Variants in NRXN1 observed in about 807,000 individuals in gnomAD.
NRXN1 encodes the protein neurexin-1.
NRXN1 carries 39 observed loss-of-function variants against 150.9 expected under a neutral mutation model. The observed-to-expected ratio is 0.26, with a 90% confidence interval of 0.20 to 0.34. The LOEUF (loss-of-function observed/expected upper bound fraction) is 0.34, where lower values mean the gene tolerates loss of function less well. Ranked by LOEUF, NRXN1 falls within the 10% of genes least tolerant of loss-of-function variation. The pLI is 1.00. For missense variants in NRXN1, 1,815 were observed against 1,949.9 expected, an observed-to-expected ratio of 0.93 and a Z score of 1.30; for synonymous variants, 924 against 757.0, an observed-to-expected ratio of 1.22 and a Z score of -3.62.
intron 5 of NRXN1, chr2:50,912,816 G>C (rs1381146594): frequency 2.7e-5 from 4 of 149,730 alleles, no homozygotes; most frequent in African/African-American, 4.9e-5. Context: ...CTGGAACCTA[G>C]CCTAATAACT....
intron 2 of NRXN1, among the ~76,000 whole-genome samples, chr2:51,019,841 T>C (rs533057613): frequency 1.3e-5 from 2 of 152,144 alleles, no homozygotes; most frequent in South Asian, 4.1e-4. Context: ...CTGTATACAG[T>C]GTTTAAAACA....
intron 5 of NRXN1, among the ~76,000 whole-genome samples, chr2:50,794,019 G>C (rs1205149382): frequency 2.0e-5 from 3 of 151,978 alleles, no homozygotes; most frequent in South Asian, 2.1e-4. Flanking sequence ...ATTAAAAATA[G>C]GTAGAAGCAG....
At chr2:50,164,534 T>G (rs1282447718) in intron 18 of NRXN1, among the ~76,000 whole-genome samples, 1 of 152,202 alleles carries the variant, frequency 6.6e-6, no homozygotes, top group Non-Finnish European at 1.5e-5. Context: ...GCAGCCAGAA[T>G]TGAACTGAAG....
chr2:51,027,147 C>G (rs1670621683), intron 2 of NRXN1, among the ~76,000 whole-genome samples: 1 of 152,176 alleles, frequency 6.6e-6, no homozygotes, highest in Non-Finnish European at 1.5e-5. Context: ...GTGGTAGAGA[C>G]AAGTACAGTG....
At chr2:49,984,358 T>A (rs1680539555) in intron 21 of NRXN1, among the ~76,000 whole-genome samples, 1 of 152,100 alleles carries the variant, frequency 6.6e-6, no homozygotes, top group Admixed American at 6.6e-5. Context: ...CCAACTGAAT[T>A]TTGCTAATTT....
At chr2:50,307,465 C>T (rs2074734903) in intron 17 of NRXN1, among the ~76,000 whole-genome samples, 1 of 152,128 alleles carries the variant, frequency 6.6e-6, no homozygotes, top group African/African-American at 2.4e-5. Flanking sequence ...CATTTGATGA[C>T]AGGCTGTAAA....
At chr2:50,476,092 T>C (rs1051530322) in intron 15 of NRXN1, among the ~76,000 whole-genome samples, 3 of 152,102 alleles carry the variant, frequency 2.0e-5, no homozygotes, top group Admixed American at 6.6e-5. Context: ...ATGTAGGCAA[T>C]TGATAAGGCA....
At chr2:50,895,370 C>T (rs867013582) in intron 5 of NRXN1, among the ~76,000 whole-genome samples, 1 of 151,940 alleles carries the variant, frequency 6.6e-6, no homozygotes, top group Non-Finnish European at 1.5e-5. Flanking sequence ...TTTCCCCTTA[C>T]AGCAAAAAAG....
chr2:50,660,874 T>C (rs527666277), intron 5 of NRXN1, among the ~76,000 whole-genome samples: 4 of 152,158 alleles, frequency 2.6e-5, no homozygotes, highest in South Asian at 2.1e-4. Context: ...GATTTGGATA[T>C]ATGGAGATAA....
intron 12 of NRXN1, among the ~76,000 whole-genome samples, chr2:50,522,446 G>A (rs538622202): frequency 6.6e-6 from 1 of 152,254 alleles, no homozygotes; most frequent in Non-Finnish European, 1.5e-5. Flanking sequence ...ATTAATAACT[G>A]TGCTTGGTTT....
chr2:50,724,236 G>A (rs1311958929), intron 5 of NRXN1, among the ~76,000 whole-genome samples: 2 of 152,124 alleles, frequency 1.3e-5, no homozygotes, highest in Non-Finnish European at 2.9e-5. Flanking sequence ...TAATAGCAGG[G>A]CATACAGTAC....
chr2:50,079,014 T>A (rs1697512605), intron 19 of NRXN1, among the ~76,000 whole-genome samples: 1 of 152,136 alleles, frequency 6.6e-6, no homozygotes, highest in African/African-American at 2.4e-5. Context: ...ATTTCCATCA[T>A]CCTTCTACAT....
chr2:50,091,553 A>G, intron 18 of NRXN1, 59 bp from the exon 19 acceptor site: 1 of 1,540,126 alleles, frequency 6.5e-7, no homozygotes, highest in Non-Finnish European at 9.0e-7. Context: ...CATTTAATAA[A>G]GATTACATAC....
chr2:50,050,225 A>G (rs1435004274), intron 21 of NRXN1, among the ~76,000 whole-genome samples: 1 of 149,480 alleles, frequency 6.7e-6, no homozygotes, highest in Non-Finnish European at 1.5e-5. Context: ...GACTTTATGG[A>G]GGATATTTTG....
At chr2:50,311,918 T>G (rs1426007560) in intron 17 of NRXN1, among the ~76,000 whole-genome samples, 1 of 152,094 alleles carries the variant, frequency 6.6e-6, no homozygotes, top group East Asian at 1.9e-4. Context: ...AATAGTGTCA[T>G]ATTGAGGAAT....
chr2:50,357,298 A>ATTTATTTATTTT (rs1553488169), intron 17 of NRXN1, among the ~76,000 whole-genome samples: 5 of 150,526 alleles, frequency 3.3e-5, no homozygotes, highest in African/African-American at 7.4e-5. Flanking sequence ...TTATTTATTT[A>ATTTATTTATTTT]TTTATTTTTT....
At chr2:50,802,839 G>A (rs1574527162) in intron 5 of NRXN1, among the ~76,000 whole-genome samples, 1 of 152,082 alleles carries the variant, frequency 6.6e-6, no homozygotes, top group Admixed American at 6.6e-5. Flanking sequence ...TGAAGACAGA[G>A]AACTGGAGAA....
intron 17 of NRXN1, among the ~76,000 whole-genome samples, chr2:50,368,881 G>A (rs1572705272): frequency 2.0e-5 from 3 of 151,896 alleles, no homozygotes; most frequent in Non-Finnish European, 4.4e-5. Context: ...GGAGTTTTTG[G>A]TTTTTCCCCT....
chr2:50,822,747 T>C (rs768516431), intron 5 of NRXN1, among the ~76,000 whole-genome samples: 13 of 152,160 alleles, frequency 8.5e-5, no homozygotes, highest in Non-Finnish European at 1.8e-4. Context: ...CCCTACCAAA[T>C]TTAATATACT....
Sources: allele counts gnomAD v4.1 joint callset (sites outside exome capture counted in the v4.1 genomes callset), GRCh38; gene constraint gnomAD v4.1.1; transcripts MANE v1.5; gene names NCBI Gene and HGNC (gene_info 2026-07-23, HGNC 2026-07-21).